FAF1: variants seen among roughly 807,000 people sequenced by gnomAD.
FAF1 encodes FAS-associated factor 1.
A neutral mutation model predicts 92.5 loss-of-function variants in FAF1; 25 were observed. That is an observed-to-expected ratio of 0.27 (90% CI 0.20 to 0.38). The LOEUF (loss-of-function observed/expected upper bound fraction) is 0.38. Ranked by LOEUF, FAF1 falls within the 10% of genes least tolerant of loss-of-function variation. FAF1 has a pLI of 1.00. For missense variants in FAF1, 636 were observed against 793.3 expected, an observed-to-expected ratio of 0.80 and a Z score of 2.38; for synonymous variants, 234 against 273.2, an observed-to-expected ratio of 0.86 and a Z score of 1.42.
intron 18 of FAF1, among the ~76,000 whole-genome samples, chr1:50,464,244 C>A (rs1413936005): frequency 6.6e-6 from 1 of 152,110 alleles, no homozygotes; most frequent in African/African-American, 2.4e-5. Context: ...TGGGCCCAAG[C>A]GATCCTCCTG....
At chr1:50,710,143 T>G (rs1657859417) in intron 6 of FAF1, among the ~76,000 whole-genome samples, 1 of 152,178 alleles carries the variant, frequency 6.6e-6, no homozygotes. Context: ...AGATCTTCCT[T>G]TACCTTTACA....
intron 4 of FAF1, among the ~76,000 whole-genome samples, chr1:50,769,331 C>T (rs1215102335): frequency 1.3e-5 from 2 of 152,120 alleles, no homozygotes; most frequent in African/African-American, 2.4e-5. Context: ...ATGCCCAGGA[C>T]CAGATGAGCT....
intron 8 of FAF1, among the ~76,000 whole-genome samples, chr1:50,598,868 G>C (rs1378254146): frequency 2.6e-5 from 4 of 152,090 alleles, no homozygotes; most frequent in Non-Finnish European, 5.9e-5. Context: ...TACTTGGGAG[G>C]CTGAGGCAGG....
At chr1:50,498,162 G>C (rs1646924282) in intron 15 of FAF1, among the ~76,000 whole-genome samples, 1 of 152,048 alleles carries the variant, frequency 6.6e-6, no homozygotes. Flanking sequence ...AATGAGGAAA[G>C]AACAGTCTCC....
In FAF1 at chr1:50,567,189, A is replaced by G. The variant is rs1306165460; in HGVS notation, c.1156T>C (p.Leu386=). 6.2e-7 allele frequency: 1 copy of G among 1,610,350 alleles called. No homozygotes were observed. The highest frequency in any genetic ancestry group is 2.2e-5 in the East Asian group (1 of 44,824). ...ATTTGTGAGCAGAACACGTTGGTTA[A>G]CACACTTTCATCATGGTGGAGGTAG... ...AIYLHHDESV[L]TNVFCSQMLC... Residue 386 remains leucine (L), a synonymous_variant, in exon 13 of 19, where the codon TTA becomes CTA. Transcript: ENST00000396153.
chr1:50,630,254 G>C (rs1332493851), intron 8 of FAF1, among the ~76,000 whole-genome samples: 1 of 152,072 alleles, frequency 6.6e-6, no homozygotes, highest in Non-Finnish European at 1.5e-5. Context: ...TCCATGTTTA[G>C]TTGTAAGACA....
At chr1:50,499,184 G>C (rs1189050967) in intron 15 of FAF1, among the ~76,000 whole-genome samples, 1 of 152,154 alleles carries the variant, frequency 6.6e-6, no homozygotes, top group Non-Finnish European at 1.5e-5. Context: ...ACAGAAAGTA[G>C]ATTAGAGGTT....
chr1:50,442,982 A>C (rs562783798), intron 18 of FAF1, among the ~76,000 whole-genome samples: 1 of 152,184 alleles, frequency 6.6e-6, no homozygotes, highest in Non-Finnish European at 1.5e-5. Context: ...CTTCCAATGC[A>C]CTGAGGGGCA....
chr1:50,517,130 G>A (rs1210450288), intron 15 of FAF1, among the ~76,000 whole-genome samples: 2 of 152,116 alleles, frequency 1.3e-5, no homozygotes, highest in South Asian at 2.1e-4. Context: ...TCTAATAAAA[G>A]TGCATGTACA....
At chr1:50,933,756 G>A (rs10788932) in intron 1 of FAF1, among the ~76,000 whole-genome samples, 152,296 of 152,380 alleles carry the variant, frequency 1, 76,106 homozygotes, top group Non-Finnish European at 1. Flanking sequence ...AGGGAACAAA[G>A]AGAGGTTTAA....
chr1:50,776,757 T>C (rs980179158), intron 4 of FAF1, among the ~76,000 whole-genome samples: 6 of 151,966 alleles, frequency 3.9e-5, no homozygotes, highest in Non-Finnish European at 5.9e-5. Flanking sequence ...CCTTGGATAA[T>C]AGAAATATTT....
At chr1:50,861,615 G>A (rs1451097100) in intron 1 of FAF1, among the ~76,000 whole-genome samples, 1 of 151,708 alleles carries the variant, frequency 6.6e-6, no homozygotes, top group Non-Finnish European at 1.5e-5. Context: ...ACACTATTCA[G>A]GTGATAGGTA....
chr1:50,571,620 T>A (rs139300993), intron 12 of FAF1, among the ~76,000 whole-genome samples: 23 of 152,306 alleles, frequency 1.5e-4, no homozygotes, highest in East Asian at 1.3e-3. Context: ...CTGGCAATAG[T>A]GTCTGGGATG....
chr1:50,661,480 A>C (rs1403393012), intron 7 of FAF1, among the ~76,000 whole-genome samples: 4 of 152,202 alleles, frequency 2.6e-5, no homozygotes, highest in Admixed American at 2.0e-4. Context: ...ATCGCACATC[A>C]TAGTACAGCC....
intron 1 of FAF1, among the ~76,000 whole-genome samples, chr1:50,870,177 C>T (rs1279857260): frequency 6.6e-6 from 1 of 152,192 alleles, no homozygotes; most frequent in Non-Finnish European, 1.5e-5. Flanking sequence ...ATTGAAGGGG[C>T]CGGGCACATT....
At chr1:50,460,796 A>C (rs569610647) in intron 18 of FAF1, among the ~76,000 whole-genome samples, 138 of 142,894 alleles carry the variant, frequency 9.7e-4, no homozygotes, top group Non-Finnish European at 1.6e-3. Flanking sequence ...ATGCCCAGCT[A>C]AGTATTTGTA....
At chr1:50,626,038 T>C (rs115113672) in intron 8 of FAF1, among the ~76,000 whole-genome samples, 273 of 152,340 alleles carry the variant, frequency 1.8e-3, no homozygotes, top group African/African-American at 6.2e-3. Context: ...ATACTTGTTG[T>C]CATGTTTTTG....
intron 2 of FAF1, among the ~76,000 whole-genome samples, chr1:50,841,460 T>C (rs141313368): frequency 6.6e-6 from 1 of 152,040 alleles, no homozygotes; most frequent in African/African-American, 2.4e-5. Context: ...TGTTTCCATA[T>C]AGTTTTAAAT....
intron 4 of FAF1, among the ~76,000 whole-genome samples, chr1:50,762,372 G>A (rs1266665428): frequency 3.3e-4 from 50 of 152,032 alleles, no homozygotes; most frequent in Non-Finnish European, 5.7e-4. Context: ...AAAAGAGTCT[G>A]CATCGCCAAG....
Sources: gnomAD v4.1 joint callset for allele counts (sites outside exome capture counted in the v4.1 genomes callset) on GRCh38, gnomAD v4.1.1 for gene constraint, MANE v1.5 for transcripts, NCBI Gene and HGNC (gene_info 2026-07-23, HGNC 2026-07-21) for gene names.